HSPA4L: variants seen among roughly 807,000 people sequenced by gnomAD.
HSPA4L encodes the protein heat shock 70 kDa protein 4L.
In HSPA4L, 48 loss-of-function variants were observed where a neutral mutation model predicts 100.3. The observed-to-expected ratio is 0.48, with a 90% CI of 0.38 to 0.61. The LOEUF is 0.61. Ranked by LOEUF, HSPA4L falls within the 20% of genes least tolerant of loss-of-function variation. The probability of loss-of-function intolerance (pLI) is 0.00; values close to 1 mark genes in which losing one functional copy is unlikely to be tolerated. For missense variants in HSPA4L, 886 were observed against 988.6 expected (o/e 0.90, Z 1.39); for synonymous variants, 319 against 328.2 (o/e 0.97, Z 0.30).
chr4:127,810,804 G>A (rs1022709612), intron 11 of HSPA4L, among the ~76,000 whole-genome samples: 4 of 151,980 alleles, frequency 2.6e-5, no homozygotes, highest in Non-Finnish European at 5.9e-5. Flanking sequence ...CGCACAGTGT[G>A]GGAGCAGGTG....
At position 127,818,436 on chromosome 4, in the gene HSPA4L, T is replaced by A; in HGVS notation, c.1674+16T>A. ...CAAAACAAAGGTTTGGTTTACTTTT[T>A]CTGTAGTTATGTCTTTTTGAAATTG... is the stretch of plus-strand genomic sequence containing the variant. On this transcript the variant is annotated intron_variant, in intron 13 of 18. Coordinates refer to ENST00000296464, the MANE Select transcript of HSPA4L (RefSeq NM_014278.4). 2 of 1,483,060 alleles carry A rather than the reference T, an allele frequency of 1.3e-6. No individual in the cohort carries two copies. The highest frequency in any genetic ancestry group is 1.9e-6 in the Non-Finnish European group (2 of 1,072,732). The allele number at this position is 1,483,060 out of a possible 1,614,324, so 91.9% of individuals were successfully genotyped here.
At chr4:127,817,031 A>G (rs1733686853) in intron 12 of HSPA4L, among the ~76,000 whole-genome samples, 1 of 152,148 alleles carries the variant, frequency 6.6e-6, no homozygotes, top group African/African-American at 2.4e-5. Context: ...GGGAGGTTGT[A>G]AGGTAGGGCA....
At position 127,822,740 on chromosome 4, in the gene HSPA4L, T is replaced by C. The variant is rs1733844649; in HGVS notation, c.1813-29T>C. ...TCTATTTCCCTAATGCATATTCTTATGGCAACTAATCTGAAGCTTTTTGAA... is the reference window on the plus strand; with the variant it reads ...TCTATTTCCCTAATGCATATTCTTACGGCAACTAATCTGAAGCTTTTTGAA... On this transcript the variant is annotated intron_variant, in intron 14 of 18. Coordinates refer to ENST00000296464, the MANE Select transcript of HSPA4L (RefSeq NM_014278.4). 4.3e-6 allele frequency: 7 copies of C among 1,609,350 alleles called. No homozygotes were observed. The South Asian group carries it at 7.7e-5, about 18-fold the overall frequency.
In HSPA4L at chr4:127,812,628, C is replaced by T. The variant is rs1000470628; in HGVS notation, c.1578+992C>T. 6 of 648,464 alleles carry T rather than the reference C, an allele frequency of 9.3e-6. No homozygotes were observed. In the East Asian group the frequency reaches 1.6e-4, roughly 18 times the overall value. The allele number at this position is 648,464 out of a possible 1,614,324, so 40.2% of individuals were successfully genotyped here. ...TTTTTGTCTAATTACAATTGGAAGTCTGCCCTAGATTTTTTGTTTGTTTGT... is the reference window on the plus strand; with the variant it reads ...TTTTTGTCTAATTACAATTGGAAGTTTGCCCTAGATTTTTTGTTTGTTTGT... On this transcript the variant is annotated intron_variant, in intron 12 of 18. Coordinates refer to ENST00000296464, the MANE Select transcript of HSPA4L (RefSeq NM_014278.4).
rs1188416523 is a variant in HSPA4L at position 127,835,851 on chromosome 4, AGAAGGGAGGATCACTT to A, written c.*2981_*2996del. 1 of 152,440 alleles carries A rather than the reference AGAAGGGAGGATCACTT, an allele frequency of 6.6e-6. No homozygotes were observed. The highest frequency in any genetic ancestry group is 1.5e-5 in the Non-Finnish European group (1 of 68,204). 9.4% of individuals were successfully genotyped at this position (152,440 alleles called of 1,614,324 possible). On this transcript the variant is annotated 3_prime_UTR_variant, in exon 19 of 19. Coordinates refer to ENST00000296464, the MANE Select transcript of HSPA4L (RefSeq NM_014278.4). ...GTAATCCTAGCACTTTGAGAGGCTA[AGAAGGGAGGATCACTT>A]GAACCCAGGAGTTCAAGACCAGCCT...
At chr4:127,810,765 A>T (rs577927771) in intron 11 of HSPA4L, among the ~76,000 whole-genome samples, 22 of 152,158 alleles carry the variant, frequency 1.4e-4, no homozygotes, top group Admixed American at 1.3e-3. Flanking sequence ...CTCAAAACAA[A>T]ACACACATAG....
At chr4:127,810,896 A>C (rs754268877) in intron 11 of HSPA4L, among the ~76,000 whole-genome samples, 4 of 152,098 alleles carry the variant, frequency 2.6e-5, no homozygotes, top group Non-Finnish European at 4.4e-5. Context: ...TCTTCTATAG[A>C]TAATATATAT....
At chr4:127,783,392 T>C (rs1732623876) in intron 1 of HSPA4L, 1 of 582,136 alleles carries the variant, frequency 1.7e-6, no homozygotes, top group Non-Finnish European at 2.2e-6. Flanking sequence ...CAAAAGCGTG[T>C]TTCTGCAGAG....
At chr4:127,831,259 G>C (rs7684389) in intron 18 of HSPA4L, among the ~76,000 whole-genome samples, 2,875 of 152,120 alleles carry the variant, frequency 0.019, 91 homozygotes, top group African/African-American at 0.064. Context: ...CAGCACTTTG[G>C]GGGGGTTGAG....
At chr4:127,798,797 TTCTG>T (rs1290552073) in intron 4 of HSPA4L, 88 bp downstream of exon 4, 9 of 1,287,084 alleles carry the variant, frequency 7.0e-6, no homozygotes, top group Non-Finnish European at 9.7e-6. Flanking sequence ...CCCTTACACT[TTCTG>T]CCCTTATCCA....
At chr4:127,829,757 AG>A (rs1734033508) in intron 17 of HSPA4L, among the ~76,000 whole-genome samples, 1 of 151,902 alleles carries the variant, frequency 6.6e-6, no homozygotes, top group South Asian at 2.1e-4. Flanking sequence ...TTAAGGGAAG[AG>A]GTTCAGGCTA....
intron 1 of HSPA4L, among the ~76,000 whole-genome samples, chr4:127,785,494 G>T (rs1732691464): frequency 6.6e-6 from 1 of 151,622 alleles, no homozygotes; most frequent in Admixed American, 6.6e-5. Flanking sequence ...CTAGAGTGCA[G>T]TGGCGCGTTT....
chr4:127,793,944 T>G, intron 1 of HSPA4L, 133 bp from the exon 2 acceptor site: 1 of 530,582 alleles, frequency 1.9e-6, no homozygotes, highest in South Asian at 4.2e-5. Context: ...ATTTTTGATT[T>G]GCATAACCTA....
intron 16 of HSPA4L, 80 bp from the exon 17 acceptor site, chr4:127,827,225 A>T: frequency 8.8e-7 from 1 of 1,135,850 alleles, no homozygotes; most frequent in Non-Finnish European, 1.3e-6. Context: ...CTTCCTATTT[A>T]TCATCCTATA....
chr4:127,798,896 A>G (rs1371032567), intron 4 of HSPA4L, among the ~76,000 whole-genome samples, 187 bp downstream of exon 4: 1 of 152,194 alleles, frequency 6.6e-6, no homozygotes, highest in East Asian at 1.9e-4. Context: ...CCATAAAATC[A>G]ATTATGATGA....
intron 5 of HSPA4L, 28 bp downstream of exon 5, chr4:127,801,265 TA>T (rs1227345002): frequency 6.8e-7 from 1 of 1,469,494 alleles, no homozygotes; most frequent in East Asian, 2.3e-5. Flanking sequence ...TGAAAATCAC[TA>T]TAAGCAAAAT....
intron 16 of HSPA4L, among the ~76,000 whole-genome samples, chr4:127,826,257 T>C (rs1045268686): frequency 3.3e-5 from 5 of 151,932 alleles, no homozygotes; most frequent in African/African-American, 1.2e-4. Flanking sequence ...AAAAATAAAT[T>C]AGCCAGGCAC....
intron 4 of HSPA4L, among the ~76,000 whole-genome samples, 200 bp from the exon 5 acceptor site, chr4:127,800,938 A>G (rs941415564): frequency 7.9e-5 from 12 of 152,190 alleles, no homozygotes; most frequent in African/African-American, 2.9e-4. Flanking sequence ...CTTACTTTAA[A>G]TTAGTATTCA....
intron 12 of HSPA4L, among the ~76,000 whole-genome samples, chr4:127,816,995 A>C (rs1337804846): frequency 6.6e-6 from 1 of 152,158 alleles, no homozygotes; most frequent in Non-Finnish European, 1.5e-5. Context: ...CACTTTTTTC[A>C]CCTATCTTAC....
Sources: allele counts gnomAD v4.1 joint callset (sites outside exome capture counted in the v4.1 genomes callset), GRCh38; gene constraint gnomAD v4.1.1; transcripts MANE v1.5; gene names NCBI Gene and HGNC (gene_info 2026-07-23, HGNC 2026-07-21).